Variants in POTEJ observed in about 807,000 individuals in gnomAD.
The protein encoded by POTEJ is POTE ankyrin domain family, member J.
POTEJ carries 11 observed loss-of-function variants against 69.0 expected under a neutral mutation model. The ratio of observed to expected loss-of-function variants is 0.16; its 90% CI spans 0.10 to 0.26. POTEJ has a LOEUF of 0.26. Ranked by LOEUF, POTEJ falls within the 10% of genes least tolerant of loss-of-function variation. The pLI is 1.00. For synonymous variants in POTEJ, 117 were observed against 381.1 expected (o/e 0.31, Z 8.07); for missense variants, 327 against 1,045.5 (o/e 0.31, Z 9.48).
At chr2:130,624,569 G>A (rs573722560) in intron 6 of POTEJ, among the ~76,000 whole-genome samples, 19 of 152,186 alleles carry the variant, frequency 1.2e-4, no homozygotes, top group African/African-American at 3.9e-4. Context: ...GCCATAGGGA[G>A]TGGCTGTAAA....
intron 6 of POTEJ, among the ~76,000 whole-genome samples, chr2:130,629,579 C>T (rs1253405184): frequency 1.0e-4 from 15 of 150,466 alleles, no homozygotes; most frequent in Admixed American, 9.9e-4. Context: ...GTCAGACTAG[C>T]TAAGTGCAGG....
At chr2:130,648,786 T>TC (rs1686689585) in intron 13 of POTEJ, among the ~76,000 whole-genome samples, 1 of 73,536 alleles carries the variant, frequency 1.4e-5, no homozygotes, top group East Asian at 3.1e-4. Context: ...TCATAGTTTT[T>TC]TTTTTTTTTT....
At position 130,657,093 on chromosome 2, in the gene POTEJ, A is replaced by T; in HGVS notation, c.2333A>T (p.Asn778Ile). 6.3e-7 allele frequency: 1 copy of T among 1,579,286 alleles called. No individual in the cohort carries two copies. The highest frequency in any genetic ancestry group is 8.6e-7 in the Non-Finnish European group (1 of 1,156,274). ...GAGGCCCCCCTGAACCCCAAGGCCA[A>T]CCGCGAGAAGATGACCCAGATCATG... Reference protein sequence around the residue: ...LTEAPLNPKANREKMTQIMFE... With the variant: ...LTEAPLNPKAIREKMTQIMFE... Residue 778 changes from asparagine (N) to isoleucine (I), a missense_variant, in exon 15 of 15, where the codon AAC (asparagine) becomes ATC (isoleucine). Physicochemically the swap from Asn to Ile is moderately radical, Grantham distance 149. Coordinates refer to ENST00000409602, the MANE Select transcript of POTEJ (RefSeq NM_001277083.2).
At chr2:130,641,159 A>G (rs1323029490) in intron 10 of POTEJ, among the ~76,000 whole-genome samples, 8 of 152,072 alleles carry the variant, frequency 5.3e-5, no homozygotes, top group African/African-American at 1.9e-4. Flanking sequence ...ACAAAACCAT[A>G]ATGCAGATTG....
At chr2:130,655,340 C>T (rs909567434) in intron 14 of POTEJ, among the ~76,000 whole-genome samples, 4 of 152,194 alleles carry the variant, frequency 2.6e-5, no homozygotes, top group African/African-American at 9.7e-5. Context: ...CTACTGAAAA[C>T]AGATTTTCTC....
At chr2:130,618,929 AT>A (rs1222920918) in intron 3 of POTEJ, among the ~76,000 whole-genome samples, 5 of 120,636 alleles carry the variant, frequency 4.1e-5, no homozygotes, top group East Asian at 2.3e-4. Context: ...TATTTTTTTT[AT>A]TTTTTTTTAT....
chr2:130,639,204 C>A (rs866088055), intron 10 of POTEJ, among the ~76,000 whole-genome samples: 1 of 151,836 alleles, frequency 6.6e-6, no homozygotes. Context: ...CCTAACAGAC[C>A]GTGGACTGGT....
rs538946780 is a variant in POTEJ, at chr2:130,656,785, C to A, written c.2025C>A (p.Asn675Lys). The part of the protein sequence containing the change: ...DDDTAVLVID[N>K]GSGMCKAGFA... ...ATACCGCTGTGCTCGTCATTGACAA[C>A]GGCTCTGGCATGTGCAAGGCCGGCT... Residue 675 changes from asparagine (N) to lysine (K), a missense_variant, in exon 15 of 15, where the codon AAC (asparagine) becomes AAA (lysine). Physicochemically the swap from Asn to Lys is moderately conservative, Grantham distance 94 (BLOSUM62 0). Coordinates refer to ENST00000409602, the MANE Select transcript of POTEJ (RefSeq NM_001277083.2). 6.2e-7 allele frequency: 1 copy of A among 1,609,950 alleles called. No homozygotes were observed.
intron 6 of POTEJ, among the ~76,000 whole-genome samples, chr2:130,624,875 C>T (rs1167296355): frequency 2.0e-5 from 3 of 152,144 alleles, no homozygotes; most frequent in African/African-American, 7.3e-5. Context: ...GATGTGTTCT[C>T]CTACCTGCTG....
At chr2:130,652,187 G>A (rs972098000) in intron 13 of POTEJ, among the ~76,000 whole-genome samples, 50 of 134,062 alleles carry the variant, frequency 3.7e-4, no homozygotes, top group East Asian at 2.2e-4. Context: ...CTCTCCCGCC[G>A]CCTTATGAAG....
intron 9 of POTEJ, among the ~76,000 whole-genome samples, chr2:130,638,146 A>G (rs1686179231): frequency 6.6e-6 from 1 of 150,380 alleles, no homozygotes; most frequent in South Asian, 2.1e-4. Flanking sequence ...AATTTCAGTC[A>G]TAAAGTTTAG....
At chr2:130,627,708 TG>T (rs1356343352) in intron 6 of POTEJ, among the ~76,000 whole-genome samples, 18 of 131,482 alleles carry the variant, frequency 1.4e-4, no homozygotes, top group African/African-American at 5.9e-4. Context: ...GAGTGTTTTT[TG>T]TATAGGCTAG....
intron 9 of POTEJ, among the ~76,000 whole-genome samples, chr2:130,634,190 G>A (rs1164761041): frequency 6.6e-6 from 1 of 152,238 alleles, no homozygotes; most frequent in Non-Finnish European, 1.5e-5. Context: ...GCTGACCCTT[G>A]TGCTAAAAGG....
intron 5 of POTEJ, among the ~76,000 whole-genome samples, chr2:130,622,539 T>A (rs1685576162): frequency 7.5e-6 from 1 of 132,864 alleles, no homozygotes; most frequent in Admixed American, 7.6e-5. Context: ...ACCAGATCTG[T>A]ACTGTGAGGC....
chr2:130,633,067 G>C (rs1441473643), intron 9 of POTEJ, among the ~76,000 whole-genome samples: 1 of 145,124 alleles, frequency 6.9e-6, no homozygotes, highest in African/African-American at 2.7e-5. Context: ...GTAGACCCTG[G>C]TGCCTGTTAT....
At position 130,623,908 on chromosome 2, in the gene POTEJ, A is replaced by G. The variant is rs1218983590; in HGVS notation, c.945-156A>G. ...TTCGTCTTTAATTAGAAGCTTAAAG[A>G]GAAGTTTGTAGAATGTACTCATAAG... On this transcript the variant is annotated intron_variant, in intron 5 of 14. Coordinates refer to ENST00000409602, the MANE Select transcript of POTEJ (RefSeq NM_001277083.2). Among the ~76,000 whole-genome samples, 3 of 131,132 alleles carry G rather than the reference A, an allele frequency of 2.3e-5. 1 individual carries two copies. Among genetic ancestry groups the G allele is most frequent in the Non-Finnish European group, 4.8e-5 (3 of 62,732 alleles). 86.0% of individuals were successfully genotyped at this position (131,132 alleles called of 152,430 possible). A position where few individuals can be genotyped will look rare whatever the true frequency, so the allele number is the denominator to read the frequency against.
intron 1 of POTEJ, among the ~76,000 whole-genome samples, chr2:130,613,382 GTGTATATATATATA>G (rs1249637135): frequency 5.8e-5 from 5 of 85,510 alleles, no homozygotes; most frequent in Non-Finnish European, 1.0e-4. Flanking sequence ...GTGTGTGTGT[GTGTATATATATATA>G]TATATATATA....
intron 10 of POTEJ, among the ~76,000 whole-genome samples, chr2:130,643,422 A>G (rs1383746916): frequency 1.5e-4 from 20 of 134,928 alleles, no homozygotes; most frequent in African/African-American, 5.6e-4. Flanking sequence ...AGGAGACTGA[A>G]GCAGGAGAAT....
At chr2:130,625,175 G>A (rs1685657823) in intron 6 of POTEJ, among the ~76,000 whole-genome samples, 2 of 152,280 alleles carry the variant, frequency 1.3e-5, no homozygotes, top group South Asian at 2.1e-4. Flanking sequence ...AGATGGAATA[G>A]ATGTAGTTTT....
Sources: gnomAD v4.1 joint callset for allele counts (sites outside exome capture counted in the v4.1 genomes callset) on GRCh38, gnomAD v4.1.1 for gene constraint, MANE v1.5 for transcripts, NCBI Gene and HGNC (gene_info 2026-07-23, HGNC 2026-07-21) for gene names.